The following CELF2 variants were observed in gnomAD, a reference collection of about 807,000 sequenced individuals.
CELF2 encodes CUGBP Elav-like family member 2.
CELF2 carries 8 observed loss-of-function variants against 62.6 expected under a neutral mutation model. The ratio of observed to expected loss-of-function variants is 0.13; its 90% CI spans 0.07 to 0.23. CELF2 has a LOEUF of 0.23. Among genes scored for constraint, CELF2 ranks in the 10% least tolerant of loss-of-function variants. CELF2 has a pLI of 1.00. For synonymous variants in CELF2, 258 were observed against 250.0 expected (o/e 1.03, Z -0.30); for missense variants, 333 against 671.0 (o/e 0.50, Z 5.56).
intron 2 of CELF2, chr10:10,924,860 G>A (rs1400089975): frequency 6.6e-6 from 1 of 151,294 alleles, no homozygotes; most frequent in East Asian, 1.9e-4. Flanking sequence ...CCAAGAAGAC[G>A]GAAATGCCTG....
chr10:11,135,653 G>T (rs2060316049), intron 1 of CELF2, among the ~76,000 whole-genome samples: 1 of 152,136 alleles, frequency 6.6e-6, no homozygotes, highest in Admixed American at 6.5e-5. Flanking sequence ...TAGAGTCAGG[G>T]GTACTCTGAG....
chr10:11,250,332 T>C (rs890633689), intron 4 of CELF2, among the ~76,000 whole-genome samples: 1 of 152,184 alleles, frequency 6.6e-6, no homozygotes, highest in African/African-American at 2.4e-5. Context: ...AACATAGATA[T>C]ATAAATAAAG....
Position 11,165,490 on chromosome 10 carries a change from G to T in CELF2, c.79G>T (p.Gly27Cys), listed in dbSNP as rs1182544059. Residue 27 changes from glycine to cysteine, a missense_variant, in exon 2 of 13, where the codon GGC (glycine) becomes TGC (cysteine). Coordinates refer to ENST00000633077, the MANE Select transcript of CELF2 (RefSeq NM_001326342.2). The surrounding 1 kb of genome is among the most constrained non-coding windows in gnomAD (Gnocchi z 7.4). The stretch of plus-strand genomic sequence containing the variant: ...TCCCGGTTCCGTTTTTGACAGTAAC[G>T]GCACAGCCAACAAGATGAACGGAGC... ...GRLLVPDRIN[G>C]TANKMNGALD... The T allele has an allele frequency of 1.2e-6, 2 of 1,612,600 alleles. No homozygotes were observed. The highest frequency in any genetic ancestry group is 1.1e-5 in the South Asian group (1 of 90,942).
At chr10:10,537,581 T>A in the CELF2 span, among the ~76,000 whole-genome samples, 1 of 152,050 alleles carries the variant, frequency 6.6e-6, no homozygotes, top group Admixed American at 6.6e-5. Context: ...GGAGGCTTGC[T>A]TCGAATTTGG....
chr10:11,273,721 T>C (rs1295634063), intron 7 of CELF2, among the ~76,000 whole-genome samples: 1 of 144,684 alleles, frequency 6.9e-6, no homozygotes, highest in African/African-American at 2.7e-5. Context: ...TTTTGTTTTT[T>C]TGTTTTTTTG....
intron 1 of CELF2, among the ~76,000 whole-genome samples, chr10:11,040,340 T>A (rs1437321956): frequency 6.6e-6 from 1 of 152,244 alleles, no homozygotes; most frequent in Non-Finnish European, 1.5e-5. Context: ...GTCTTATGTT[T>A]AGTGTTTAAT....
At chr10:11,166,707 T>G (rs1219199555) in intron 2 of CELF2, among the ~76,000 whole-genome samples, 2 of 152,242 alleles carry the variant, frequency 1.3e-5, no homozygotes, top group Non-Finnish European at 2.9e-5. Context: ...TCCTAAGACC[T>G]CTGAAAGCAT....
the CELF2 span, among the ~76,000 whole-genome samples, chr10:10,788,792 T>C: frequency 6.6e-6 from 1 of 152,098 alleles, no homozygotes; most frequent in Non-Finnish European, 1.5e-5. Context: ...CATTTGCACA[T>C]ATAAGTATGA....
chr10:11,142,041 A>G (rs116098818), intron 1 of CELF2, among the ~76,000 whole-genome samples: 4 of 152,358 alleles, frequency 2.6e-5, no homozygotes, highest in Admixed American at 6.5e-5. Context: ...CCACGACATC[A>G]TACTTTCCCA....
intron 1 of CELF2, among the ~76,000 whole-genome samples, chr10:11,022,536 GT>G (rs943848030): frequency 0.011 from 1,676 of 148,760 alleles, 34 homozygotes; most frequent in African/African-American, 0.038. Context: ...GTGTTTGGTT[GT>G]TTTTTTTTTC....
At position 11,285,245 on chromosome 10, in the gene CELF2, G is replaced by T. The variant is rs1565770503; in HGVS notation, c.842-3173G>T. 6.6e-6 allele frequency among the ~76,000 whole-genome samples: 1 copy of T among 152,074 alleles called. No homozygotes were observed. Among genetic ancestry groups the T allele is most frequent in the Non-Finnish European group, 1.5e-5 (1 of 67,990 alleles). On this transcript the variant is annotated intron_variant, in intron 8 of 12. Transcript: ENST00000633077. The surrounding 1 kb of genome is among the most constrained non-coding windows in gnomAD (Gnocchi z 4.3). ...TCTCCTTTTGTCCTCACATCCCTCAGATGCTGGGGATCACAGTGTCCTCTC... is the reference window on the plus strand; with the variant it reads ...TCTCCTTTTGTCCTCACATCCCTCATATGCTGGGGATCACAGTGTCCTCTC...
intron 1 of CELF2, among the ~76,000 whole-genome samples, chr10:10,868,885 T>C (rs1591372892): frequency 6.6e-6 from 1 of 152,236 alleles, no homozygotes; most frequent in African/African-American, 2.4e-5. Flanking sequence ...TAGGTCTTCA[T>C]AGAATTTAGT....
In CELF2 at chr10:10,957,613, C is replaced by A. The variant is rs1327458843; in HGVS notation, c.89+37614C>A. Among the ~76,000 whole-genome samples the A allele has an allele frequency of 6.6e-6, 1 of 152,156 alleles. No individual in the cohort carries two copies. Among genetic ancestry groups the A allele is most frequent in the East Asian group, 1.9e-4 (1 of 5,186 alleles). On this transcript the variant is annotated intron_variant, in intron 2 of 13. Transcript: ENST00000636488. The surrounding 1 kb of genome is among the most constrained non-coding windows in gnomAD (Gnocchi z 4.1). ...GTCAAAGTCAGTGGGCAACCTCTTA[C>A]CTGAAGAACACGTTCAGGATCACTT...
the CELF2 span, among the ~76,000 whole-genome samples, chr10:10,569,296 G>A: frequency 6.6e-6 from 1 of 152,156 alleles, no homozygotes; most frequent in Admixed American, 6.6e-5. Context: ...AAGGACAAAG[G>A]CATGTCTAAA....
At chr10:10,686,626 A>C in the CELF2 span, among the ~76,000 whole-genome samples, 1 of 152,068 alleles carries the variant, frequency 6.6e-6, no homozygotes, top group African/African-American at 2.4e-5. Flanking sequence ...TGGTTTTATA[A>C]GGGGCTCCCC....
At chr10:11,021,060 T>G (rs1328742074) in intron 1 of CELF2, among the ~76,000 whole-genome samples, 1 of 152,218 alleles carries the variant, frequency 6.6e-6, no homozygotes, top group Non-Finnish European at 1.5e-5. Flanking sequence ...CAGTTGATTT[T>G]CAATTAAGAT....
At chr10:10,946,039 G>A (rs972339235) in intron 2 of CELF2, 1 of 152,696 alleles carries the variant, frequency 6.5e-6, no homozygotes, top group African/African-American at 2.4e-5. Context: ...TCAAAGTAGA[G>A]GGGAACAGGT....
rs1205801452 is a variant in CELF2 at position 11,285,049 on chromosome 10, G to A, written c.842-3369G>A. ...GGATCTGTGGATGGATAATTAAGTGGATGGATGGATAGTTGGGTGGTTACG... is the reference window on the plus strand; with the variant it reads ...GGATCTGTGGATGGATAATTAAGTGAATGGATGGATAGTTGGGTGGTTACG... On this transcript the variant is annotated intron_variant, in intron 8 of 12. Transcript: ENST00000633077. This position sits in a 1 kb window ranked among gnomAD's most constrained non-coding sequence, Gnocchi z 4.3. Among the ~76,000 whole-genome samples, 1 of 149,622 alleles carries A rather than the reference G, an allele frequency of 6.7e-6. No individual in the cohort carries two copies. Among genetic ancestry groups the A allele is most frequent in the African/African-American group, 2.5e-5 (1 of 40,580 alleles).
At chr10:10,644,995 C>T in the CELF2 span, among the ~76,000 whole-genome samples, 1 of 152,150 alleles carries the variant, frequency 6.6e-6, no homozygotes, top group Admixed American at 6.5e-5. Flanking sequence ...TGAGAGAAAG[C>T]GCCTCTCTCC....
Sources: gnomAD v4.1 joint callset for allele counts (sites outside exome capture counted in the v4.1 genomes callset) on GRCh38, gnomAD v4.1.1 for gene constraint, Gnocchi (gnomAD v3.1) non-coding constraint, MANE v1.5 for transcripts, NCBI Gene and HGNC (gene_info 2026-07-23, HGNC 2026-07-21) for gene names.